The following NCAPH2 variants were observed in gnomAD, a reference collection of about 807,000 sequenced individuals.
The protein encoded by NCAPH2 is non-SMC condensin II complex subunit H2.
In NCAPH2, 56 loss-of-function variants were observed where a neutral mutation model predicts 88.6. That is an observed-to-expected ratio of 0.63 (90% CI 0.51 to 0.79). NCAPH2 has a LOEUF of 0.79. NCAPH2 is among the 30% of genes least tolerant of loss of function. NCAPH2 has a pLI of 0.00. For missense variants in NCAPH2, 794 were observed against 792.0 expected (o/e 1.00, Z -0.03); for synonymous variants, 378 against 313.6 (o/e 1.21, Z -2.17).
chr22:50,521,957 T>A (rs761074105), intron 12 of NCAPH2, 29 bp from the exon 13 acceptor site: 1 of 1,613,878 alleles, frequency 6.2e-7, no homozygotes, highest in South Asian at 1.1e-5. Flanking sequence ...GCTCTTGGCC[T>A]GGCTGGTGCT....
At position 50,518,134 on chromosome 22, in the gene NCAPH2, C is replaced by G; in HGVS notation, c.502C>G (p.Arg168Gly). Reference protein sequence around the residue: ...MEKNNNPLYSRQGEVLASRKD... With the variant: ...MEKNNNPLYSGQGEVLASRKD... ...GCAGGCGTGTTTTTGCCAGCACAGCCGTCAGGGTGAGGTCCTGGCCAGCCG... is the reference window on the plus strand; with the variant it reads ...GCAGGCGTGTTTTTGCCAGCACAGCGGTCAGGGTGAGGTCCTGGCCAGCCG... Residue 168 changes from arginine (R) to glycine (G), a missense_variant and splice_region_variant, in exon 7 of 20, where the codon CGT becomes GGT. This residue lies in a region of NCAPH2 where 735 missense variants were observed against 696.3 expected (regional missense o/e 1.06). Transcript: ENST00000420993. 1 of 1,613,928 alleles carries G rather than the reference C, an allele frequency of 6.2e-7. No homozygotes were observed.
intron 1 of NCAPH2, among the ~76,000 whole-genome samples, chr22:50,513,560 A>G (rs761754318): frequency 3.9e-5 from 6 of 152,252 alleles, no homozygotes; most frequent in Non-Finnish European, 7.3e-5. Context: ...GGAGTTCGAG[A>G]TGAGTCTGAC....
chr22:50,521,108 A>C, intron 10 of NCAPH2, 72 bp downstream of exon 10: 1 of 1,503,134 alleles, frequency 6.7e-7, no homozygotes, highest in Non-Finnish European at 9.0e-7. Flanking sequence ...CCTGCCCATC[A>C]TGCTCTTGCT....
intron 1 of NCAPH2, among the ~76,000 whole-genome samples, chr22:50,508,988 A>G (rs1411453952): frequency 1.3e-5 from 2 of 152,148 alleles, no homozygotes; most frequent in Admixed American, 6.5e-5. Context: ...GGCGTCCACG[A>G]CACTTAAATG....
chr22:50,511,840 G>A (rs1204409641), intron 1 of NCAPH2, among the ~76,000 whole-genome samples: 1 of 151,256 alleles, frequency 6.6e-6, no homozygotes, highest in Non-Finnish European at 1.5e-5. Context: ...GTAGAGACAG[G>A]GTTTCACCAT....
rs8139305 is a variant in NCAPH2, at chr22:50,523,636, G to T, written c.*261G>T. ...TCAAGACAGGACACTGCGGAAAGCC[G>T]CCATGTGCCGCCGCACACTGTCTGA... is the stretch of plus-strand genomic sequence containing the variant. On this transcript the variant is annotated 3_prime_UTR_variant, in exon 20 of 20. Transcript: ENST00000420993. 1.2e-6 allele frequency: 2 copies of T among 1,613,760 alleles called. No homozygotes were observed. The highest frequency in any genetic ancestry group is 2.7e-5 in the African/African-American group (2 of 75,042).
At position 50,508,869 on chromosome 22, in the gene NCAPH2, C is replaced by T. The variant is rs539847952; in HGVS notation, c.108+424C>T. On this transcript the variant is annotated intron_variant, in intron 1 of 19. Coordinates refer to ENST00000420993, the MANE Select transcript of NCAPH2 (RefSeq NM_152299.4). ...TTTCAAGCTATTGCCATGCTCTATC[C>T]TGTTAGCGATTAGTGTTTCTTCCAT... Among the ~76,000 whole-genome samples, 7 of 152,316 alleles carry T rather than the reference C, an allele frequency of 4.6e-5. No individual in the cohort carries two copies. The South Asian group carries it at 1.4e-3, about 32-fold the overall frequency.
chr22:50,523,920 G>A lies in NCAPH2; in HGVS notation c.*545G>A. 6.2e-7 allele frequency: 1 copy of A among 1,613,486 alleles called. No individual in the cohort carries two copies. Among genetic ancestry groups the A allele is most frequent in the Non-Finnish European group, 8.5e-7 (1 of 1,179,738 alleles). On this transcript the variant is annotated 3_prime_UTR_variant, in exon 20 of 20. Coordinates refer to ENST00000420993, the MANE Select transcript of NCAPH2 (RefSeq NM_152299.4). ...CGTCCCGCTCGGGGTCCACAGTGATGAAGACAGGCTGCACTGGAGGCAAAC... is the reference window on the plus strand; with the variant it reads ...CGTCCCGCTCGGGGTCCACAGTGATAAAGACAGGCTGCACTGGAGGCAAAC...
chr22:50,517,983 T>C lies in NCAPH2; in HGVS notation c.431T>C (p.Ile144Thr). Residue 144 changes from isoleucine to threonine, a missense_variant, in exon 6 of 20, where the codon ATC becomes ACC. Physicochemically the swap from Ile to Thr is moderately conservative, Grantham distance 89 (BLOSUM62 -1). Coordinates refer to ENST00000420993, the MANE Select transcript of NCAPH2 (RefSeq NM_152299.4). ...KNDQTPSEVLIIPLLPMALVA... is the reference protein window; with the variant it reads ...KNDQTPSEVLTIPLLPMALVA... ...TTGGCCTCCATGCAGGAGGTCCTCA[T>C]CATCCCCCTCCTGCCCATGGCCCTG... The C allele has an allele frequency of 6.2e-7, 1 of 1,613,546 alleles. No homozygotes were observed. The highest frequency in any genetic ancestry group is 8.5e-7 in the Non-Finnish European group (1 of 1,179,762).
chr22:50,523,839 C>T lies in NCAPH2; in HGVS notation c.*464C>T. On this transcript the variant is annotated 3_prime_UTR_variant, in exon 20 of 20. Coordinates refer to ENST00000420993, the MANE Select transcript of NCAPH2 (RefSeq NM_152299.4). ...GGGCAACCTGTTTGGTGGAGCCGGT[C>T]AGACCCAACAGTCTTGGGTGGAAGT... 6.2e-7 allele frequency: 1 copy of T among 1,614,044 alleles called. No individual in the cohort carries two copies. Among genetic ancestry groups the T allele is most frequent in the Non-Finnish European group, 8.5e-7 (1 of 1,180,024 alleles).
In NCAPH2 at chr22:50,508,396, A is replaced by G; in HGVS notation, c.59A>G (p.Lys20Arg). The change falls in exon 1 of 20, where the codon AAG (lysine) becomes AGG (arginine). Residue 20 changes from lysine (K) to arginine (R), a missense_variant. Physicochemically the swap from Lys to Arg is conservative, Grantham distance 26. Around this residue, in one of 2 missense-constraint regions of NCAPH2, gnomAD observed 59 missense variants for 95.7 expected, o/e 0.62. Coordinates refer to ENST00000420993, the MANE Select transcript of NCAPH2 (RefSeq NM_152299.4). The part of the protein sequence containing the change: ...HLLQPIRDLT[K>R]NWEVDVAAQL... ...TTGCAGCCCATCCGCGACCTCACCAAGAACTGGGAGGTGGACGTGGCGGCC... is the reference window on the plus strand; with the variant it reads ...TTGCAGCCCATCCGCGACCTCACCAGGAACTGGGAGGTGGACGTGGCGGCC... 6.8e-7 allele frequency: 1 copy of G among 1,477,048 alleles called. No homozygotes were observed. Among genetic ancestry groups the G allele is most frequent in the Non-Finnish European group, 9.0e-7 (1 of 1,115,846 alleles). The allele number at this position is 1,477,048 out of a possible 1,614,324, so 91.5% of individuals were successfully genotyped here.
intron 1 of NCAPH2, among the ~76,000 whole-genome samples, chr22:50,513,444 C>T (rs746805997): frequency 4.6e-5 from 7 of 152,144 alleles, no homozygotes; most frequent in African/African-American, 1.2e-4. Context: ...TTAGGGAGGC[C>T]GAGGTGGCTC....
In NCAPH2 at chr22:50,523,474, C is replaced by T. The variant is rs1022831946; in HGVS notation, c.*99C>T. On this transcript the variant is annotated 3_prime_UTR_variant, in exon 20 of 20. Coordinates refer to ENST00000420993, the MANE Select transcript of NCAPH2 (RefSeq NM_152299.4). ...TAATAAAGCAGTGTTGCCATCTCAT[C>T]TTCCCCCTAAAAACCCTTTTATGTA... 7 of 1,531,122 alleles carry T rather than the reference C, an allele frequency of 4.6e-6. No individual in the cohort carries two copies. The highest frequency in any genetic ancestry group is 4.9e-5 in the East Asian group (2 of 40,694). 94.8% of individuals were successfully genotyped at this position (1,531,122 alleles called of 1,614,324 possible).
intron 1 of NCAPH2, among the ~76,000 whole-genome samples, chr22:50,511,962 A>AT (rs2068796299): frequency 6.6e-6 from 1 of 151,924 alleles, no homozygotes; most frequent in Middle Eastern, 3.2e-3. Flanking sequence ...TAATTTTTGT[A>AT]TTTTTAGTAG....
rs772981459 is a variant in NCAPH2, at chr22:50,524,067, G to A, written c.*692G>A. The A allele has an allele frequency of 6.2e-7, 1 of 1,613,176 alleles. No homozygotes were observed. The highest frequency in any genetic ancestry group is 8.5e-7 in the Non-Finnish European group (1 of 1,180,022). On this transcript the variant is annotated 3_prime_UTR_variant, in exon 20 of 20. Transcript: ENST00000420993. ...CCCACTGGCCCCGGAAGTCAGCCTT[G>A]CAGCGAGCCCGGCCTCTGTGATCCA...
rs771854678 is a variant in NCAPH2, at chr22:50,517,658, T to G, written c.348T>G (p.Asn116Lys). 1 of 1,614,094 alleles carries G rather than the reference T, an allele frequency of 6.2e-7. No individual in the cohort carries two copies. The highest frequency in any genetic ancestry group is 1.1e-5 in the South Asian group (1 of 91,084). The change falls in exon 4 of 20, where the codon AAT becomes AAG. Residue 116 changes from asparagine (N) to lysine (K), a missense_variant. Asn to Lys is a moderately conservative substitution (Grantham distance 94, BLOSUM62 0). Coordinates refer to ENST00000420993, the MANE Select transcript of NCAPH2 (RefSeq NM_152299.4). ...CCGGGGTCCCCCAGGAGGCAGAGAA[T>G]GAGGTGAGTTTCTTTGGCATGTGGT... ...ASSGVPQEAE[N>K]EFLSLDDFPD...
rs1214444808 is a variant in NCAPH2, at chr22:50,524,459, G to T, written c.*1084G>T. ...AGCACAGGCGTCAGGAGCCAGAAGG[G>T]AAGGCCCAGGACAGTGCCTGGGCTG... On this transcript the variant is annotated 3_prime_UTR_variant, in exon 20 of 20. Coordinates refer to ENST00000420993, the MANE Select transcript of NCAPH2 (RefSeq NM_152299.4). 3.1e-6 allele frequency: 5 copies of T among 1,592,440 alleles called. No individual in the cohort carries two copies. Among genetic ancestry groups the T allele is most frequent in the Non-Finnish European group, 4.3e-6 (5 of 1,165,980 alleles).
chr22:50,514,178 G>C (rs1307632694), intron 1 of NCAPH2, among the ~76,000 whole-genome samples: 1 of 152,164 alleles, frequency 6.6e-6, no homozygotes, highest in Non-Finnish European at 1.5e-5. Context: ...CAGGCAGCTG[G>C]AGAGGGAGGC....
At chr22:50,515,226 A>G (rs898485860) in intron 1 of NCAPH2, among the ~76,000 whole-genome samples, 1 of 152,182 alleles carries the variant, frequency 6.6e-6, no homozygotes, top group African/African-American at 2.4e-5. Context: ...GCAGATGGAA[A>G]TGCAAAATTG....
Sources: gnomAD v4.1 joint callset for allele counts (sites outside exome capture counted in the v4.1 genomes callset) on GRCh38, gnomAD v4.1.1 for gene constraint, gnomAD v4.1.1 regional missense constraint, MANE v1.5 for transcripts, NCBI Gene and HGNC (gene_info 2026-07-23, HGNC 2026-07-21) for gene names.